MICU1: variants seen among roughly 807,000 people sequenced by gnomAD.
MICU1 encodes calcium uptake protein 1, mitochondrial.
In MICU1, 45 loss-of-function variants were observed where a neutral mutation model predicts 56.8. The observed-to-expected ratio is 0.79, with a 90% CI of 0.62 to 1.02. The LOEUF (loss-of-function observed/expected upper bound fraction) is 1.02, where lower values mean the gene tolerates loss of function less well. Among genes scored for constraint, MICU1 ranks in the 50% least tolerant of loss-of-function variants. The pLI is 0.00. For missense variants in MICU1, 504 were observed against 587.1 expected (o/e 0.86, Z 1.46); for synonymous variants, 186 against 195.1 (o/e 0.95, Z 0.39).
At chr10:72,549,873 T>A (rs1032449456) in intron 4 of MICU1, among the ~76,000 whole-genome samples, 1 of 140,844 alleles carries the variant, frequency 7.1e-6, no homozygotes, top group East Asian at 2.0e-4. Flanking sequence ...GAGATTGCAG[T>A]GAGCTGAGAT....
rs1034548485 is a variant in MICU1 at position 72,542,722 on chromosome 10, C to T, written c.493+8457G>A. ...CTCATTATGTGGGACAGCTGCCCTC[C>T]GCCAGCAAGGGCAAAGGGCCAGTGT... On this transcript the variant is annotated intron_variant, in intron 4 of 11. Transcript: ENST00000361114. Among the ~76,000 whole-genome samples, 6 of 152,242 alleles carry T rather than the reference C, an allele frequency of 3.9e-5. No homozygotes were observed. The East Asian group carries it at 7.7e-4, about 20-fold the overall frequency.
intron 6 of MICU1, among the ~76,000 whole-genome samples, chr10:72,480,118 T>C (rs1866244593): frequency 6.6e-6 from 1 of 152,156 alleles, no homozygotes; most frequent in Non-Finnish European, 1.5e-5. Flanking sequence ...CTTTTAAATG[T>C]TGAAAATGCA....
At chr10:72,514,335 CTATT>C (rs1214201463) in intron 5 of MICU1, among the ~76,000 whole-genome samples, 1 of 151,840 alleles carries the variant, frequency 6.6e-6, no homozygotes, top group Non-Finnish European at 1.5e-5. Flanking sequence ...AGGATACTCC[CTATT>C]TCTTTTTTTT....
chr10:72,557,576 G>T (rs1323790657), intron 3 of MICU1, among the ~76,000 whole-genome samples: 3 of 152,166 alleles, frequency 2.0e-5, no homozygotes, highest in Non-Finnish European at 4.4e-5. Flanking sequence ...AATGTTAAAA[G>T]AATGCAGTAT....
chr10:72,373,887 G>A (rs1037531917), intron 11 of MICU1, among the ~76,000 whole-genome samples: 3 of 152,272 alleles, frequency 2.0e-5, no homozygotes, highest in South Asian at 4.1e-4. Context: ...AACTCTCTGC[G>A]ATGTGGGAAA....
chr10:72,555,126 GAGTATTTCAAAAT>G (rs1393289779), intron 3 of MICU1, among the ~76,000 whole-genome samples: 1 of 152,182 alleles, frequency 6.6e-6, no homozygotes, highest in East Asian at 1.9e-4. Flanking sequence ...TGAATAGTAA[GAGTATTTCAAAAT>G]GAAGCAAAAA....
intron 5 of MICU1, among the ~76,000 whole-genome samples, chr10:72,514,726 C>T (rs1867593112): frequency 6.6e-6 from 1 of 152,206 alleles, no homozygotes; most frequent in South Asian, 2.1e-4. Flanking sequence ...TTACAACTCT[C>T]TCTTAGCCTT....
intron 11 of MICU1, 122 bp from the exon 12 acceptor site, chr10:72,368,477 A>G (rs2132024173): frequency 1.9e-6 from 2 of 1,040,046 alleles, no homozygotes; most frequent in Non-Finnish European, 2.8e-6. Context: ...GCCAAACTCA[A>G]TTCTCTTATC....
At chr10:72,574,940 G>C (rs1840703781) in intron 1 of MICU1, among the ~76,000 whole-genome samples, 1 of 152,156 alleles carries the variant, frequency 6.6e-6, no homozygotes, top group Non-Finnish European at 1.5e-5. Flanking sequence ...AAAGGACTAG[G>C]TTTATTACTA....
chr10:72,497,933 T>C (rs1038496246), intron 6 of MICU1, among the ~76,000 whole-genome samples: 7 of 152,224 alleles, frequency 4.6e-5, no homozygotes, highest in Non-Finnish European at 1.0e-4. Context: ...CCATATGACA[T>C]AGTTCCCACT....
At chr10:72,444,724 C>T (rs1865054618) in intron 8 of MICU1, among the ~76,000 whole-genome samples, 1 of 152,238 alleles carries the variant, frequency 6.6e-6, no homozygotes, top group East Asian at 1.9e-4. Context: ...GTTGGGATTA[C>T]AGGCGTGAGC....
intron 6 of MICU1, 143 bp from the exon 7 acceptor site, chr10:72,477,399 A>G: frequency 3.3e-6 from 4 of 1,200,324 alleles, no homozygotes; most frequent in Non-Finnish European, 4.7e-6. Flanking sequence ...TAAATGGAAA[A>G]TGAAACTGCA....
At chr10:72,568,504 C>T (rs1055084979) in intron 1 of MICU1, among the ~76,000 whole-genome samples, 13 of 152,032 alleles carry the variant, frequency 8.6e-5, no homozygotes, top group African/African-American at 1.4e-4. Flanking sequence ...TGCACTCCAT[C>T]GAGGGAAGAC....
chr10:72,599,593 C>G (rs1841468604), intron 1 of MICU1, among the ~76,000 whole-genome samples: 2 of 152,130 alleles, frequency 1.3e-5, no homozygotes, highest in African/African-American at 4.8e-5. Context: ...GGCCCTAAAG[C>G]CCAAGAGTAG....
chr10:72,591,383 G>C (rs965141943), intron 1 of MICU1, among the ~76,000 whole-genome samples: 1 of 151,640 alleles, frequency 6.6e-6, no homozygotes, highest in African/African-American at 2.4e-5. Flanking sequence ...AATGATTAGA[G>C]CAGAAATGAA....
chr10:72,592,124 C>T (rs1158894073), intron 1 of MICU1, among the ~76,000 whole-genome samples: 3 of 151,646 alleles, frequency 2.0e-5, no homozygotes, highest in Non-Finnish European at 2.9e-5. Context: ...ATTCTCCTGC[C>T]TCAGCCTCCT....
chr10:72,563,058 T>A lies in MICU1; in HGVS notation c.167A>T (p.His56Leu). ...GTCTACACATGGTGGAGATTCTGCA[T>A]GGGCCCTGGATATGCAAAAAAGAAA... ...ASTGLLWKRA[H>L]AESPPCVDNL... Residue 56 changes from histidine (H) to leucine (L), a missense_variant, in exon 3 of 12, where the codon CAT becomes CTT. By Grantham distance (99) the His-to-Leu change is moderately conservative (BLOSUM62 -3). Coordinates refer to ENST00000361114, the MANE Select transcript of MICU1 (RefSeq NM_001195518.2). 2.5e-6 allele frequency: 4 copies of A among 1,568,900 alleles called. No homozygotes were observed. The East Asian group carries it at 6.9e-5, about 27-fold the overall frequency.
At chr10:72,582,097 TTTTGTA>T (rs2132508706) in intron 1 of MICU1, among the ~76,000 whole-genome samples, 1 of 152,168 alleles carries the variant, frequency 6.6e-6, no homozygotes. Context: ...GCCTGGGTAA[TTTTGTA>T]CTTTCAGTAG....
At chr10:72,408,441 T>C (rs4424594) in intron 9 of MICU1, among the ~76,000 whole-genome samples, 278 of 152,282 alleles carry the variant, frequency 1.8e-3, no homozygotes, top group Non-Finnish European at 3.0e-3. Context: ...CCTGAGTAGC[T>C]AGGATTACAG....
Sources: gnomAD v4.1 joint callset for allele counts (sites outside exome capture counted in the v4.1 genomes callset) on GRCh38, gnomAD v4.1.1 for gene constraint, MANE v1.5 for transcripts, NCBI Gene and HGNC (gene_info 2026-07-23, HGNC 2026-07-21) for gene names.